CPNE8: variants seen among roughly 807,000 people sequenced by gnomAD.
CPNE8 encodes copine 8, also known as copine-8.
CPNE8 carries 45 observed loss-of-function variants against 81.5 expected under a neutral mutation model. The ratio of observed to expected loss-of-function variants is 0.55; its 90% CI spans 0.44 to 0.71. The LOEUF (loss-of-function observed/expected upper bound fraction) is 0.71. CPNE8 is among the 30% of genes least tolerant of loss of function. The probability of loss-of-function intolerance (pLI) is 0.00; values close to 1 mark genes in which losing one functional copy is unlikely to be tolerated. For missense variants in CPNE8, 594 were observed against 672.1 expected (o/e 0.88, Z 1.28); for synonymous variants, 252 against 226.3 (o/e 1.11, Z -1.02).
chr12:38,873,782 T>A (rs747948519), intron 2 of CPNE8, among the ~76,000 whole-genome samples: 27 of 152,174 alleles, frequency 1.8e-4, no homozygotes, highest in African/African-American at 5.8e-4. Context: ...CGGAAACACA[T>A]TGATTTATAC....
chr12:38,835,173 C>T (rs367853214), intron 5 of CPNE8, among the ~76,000 whole-genome samples: 8 of 152,210 alleles, frequency 5.3e-5, no homozygotes, highest in African/African-American at 1.9e-4. Context: ...GCATGAGCCA[C>T]CGCACCTGGC....
intron 7 of CPNE8, among the ~76,000 whole-genome samples, chr12:38,770,225 G>C (rs1450849247): frequency 6.6e-6 from 1 of 152,058 alleles, no homozygotes; most frequent in African/African-American, 2.4e-5. Context: ...CCATAAACTT[G>C]CTTCTCCTAT....
chr12:38,765,988 A>G (rs1941679160), intron 8 of CPNE8, among the ~76,000 whole-genome samples: 1 of 151,880 alleles, frequency 6.6e-6, no homozygotes. Flanking sequence ...CCTCCCAAGT[A>G]GCTGGCATTA....
chr12:38,763,448 G>T (rs1213034146), intron 8 of CPNE8, among the ~76,000 whole-genome samples: 1 of 152,182 alleles, frequency 6.6e-6, no homozygotes, highest in Non-Finnish European at 1.5e-5. Flanking sequence ...GGAGCCCCAA[G>T]GGCCCATTTA....
At chr12:38,674,637 G>A (rs984337393) in intron 18 of CPNE8, among the ~76,000 whole-genome samples, 3 of 152,120 alleles carry the variant, frequency 2.0e-5, no homozygotes, top group Non-Finnish European at 4.4e-5. Flanking sequence ...GTTGGTGAGG[G>A]ATAAATGACT....
chr12:38,870,641 G>A (rs532977799), intron 3 of CPNE8, among the ~76,000 whole-genome samples: 14 of 152,154 alleles, frequency 9.2e-5, no homozygotes, highest in African/African-American at 2.4e-4. Context: ...GGGGCCTGTC[G>A]GCGGGTGGGG....
intron 1 of CPNE8, among the ~76,000 whole-genome samples, chr12:38,898,627 A>G (rs990840147): frequency 1.1e-4 from 17 of 152,232 alleles, no homozygotes; most frequent in African/African-American, 3.4e-4. Context: ...AAATCTATTT[A>G]CATAGTATCT....
At chr12:38,762,794 G>C (rs900922739) in intron 8 of CPNE8, among the ~76,000 whole-genome samples, 8 of 152,158 alleles carry the variant, frequency 5.3e-5, no homozygotes, top group African/African-American at 1.9e-4. Context: ...TCTGGTAAAG[G>C]AAAAGATCTG....
intron 19 of CPNE8, among the ~76,000 whole-genome samples, chr12:38,665,590 T>G (rs1939044013): frequency 6.6e-6 from 1 of 152,150 alleles, no homozygotes; most frequent in South Asian, 2.1e-4. Flanking sequence ...CAGAGCTCCA[T>G]TAGTGATTTT....
intron 10 of CPNE8, among the ~76,000 whole-genome samples, chr12:38,738,226 A>C (rs1016874770): frequency 1.3e-5 from 2 of 152,120 alleles, no homozygotes; most frequent in Non-Finnish European, 2.9e-5. Flanking sequence ...TTTGCTATTG[A>C]AATTCTTTCA....
In CPNE8 at chr12:38,867,633, A is replaced by T. The variant is rs1302887632; in HGVS notation, c.186+5371T>A. Among the ~76,000 whole-genome samples, 3 of 152,170 alleles carry T rather than the reference A, an allele frequency of 2.0e-5. No individual in the cohort carries two copies. The East Asian group carries it at 5.8e-4, about 29-fold the overall frequency. On this transcript the variant is annotated intron_variant, in intron 3 of 19. Transcript: ENST00000331366. ...TTTAAATGTTTAAAAGTAATTCACAAAATGAATTGTCTATGGATAACTAAA... is the reference window on the plus strand; with the variant it reads ...TTTAAATGTTTAAAAGTAATTCACATAATGAATTGTCTATGGATAACTAAA...
intron 6 of CPNE8, among the ~76,000 whole-genome samples, chr12:38,785,731 T>C (rs959968082): frequency 6.6e-6 from 1 of 152,078 alleles, no homozygotes; most frequent in African/African-American, 2.4e-5. Flanking sequence ...AAGACATATA[T>C]AGACACAACA....
rs752471106 is a variant in CPNE8, at chr12:38,760,903, A to T, written c.681-15T>A. ...CTTTGATTGTTCTGTACATGAGAAA[A>T]ACATACACATAAAGTTACTTAGTAA... is the stretch of plus-strand genomic sequence containing the variant. On this transcript the variant is annotated splice_polypyrimidine_tract_variant and intron_variant, in intron 9 of 19. Coordinates refer to ENST00000331366, the MANE Select transcript of CPNE8 (RefSeq NM_153634.3). 6.5e-7 allele frequency: 1 copy of T among 1,542,570 alleles called. No homozygotes were observed. The highest frequency in any genetic ancestry group is 8.7e-7 in the Non-Finnish European group (1 of 1,149,470).
chr12:38,853,749 A>C (rs1477522399), intron 3 of CPNE8, among the ~76,000 whole-genome samples: 1 of 152,176 alleles, frequency 6.6e-6, no homozygotes, highest in East Asian at 1.9e-4. Context: ...AATCTTGTAG[A>C]AAATGATAGA....
intron 10 of CPNE8, among the ~76,000 whole-genome samples, chr12:38,753,085 A>G (rs1941385092): frequency 6.6e-6 from 1 of 152,210 alleles, no homozygotes; most frequent in African/African-American, 2.4e-5. Flanking sequence ...CTCTAATATT[A>G]TTTAAGGTAA....
intron 6 of CPNE8, among the ~76,000 whole-genome samples, chr12:38,817,059 C>T (rs1287810971): frequency 6.6e-6 from 1 of 152,172 alleles, no homozygotes; most frequent in Non-Finnish European, 1.5e-5. Flanking sequence ...TATGTCTAAT[C>T]TCTCCCCTTC....
chr12:38,865,036 G>C (rs1423982700), intron 3 of CPNE8, among the ~76,000 whole-genome samples: 2 of 152,116 alleles, frequency 1.3e-5, no homozygotes, highest in Non-Finnish European at 2.9e-5. Flanking sequence ...CTTCTTAAAA[G>C]AGAATAGCCA....
intron 7 of CPNE8, among the ~76,000 whole-genome samples, chr12:38,773,533 G>T (rs1941854937): frequency 6.6e-6 from 1 of 151,954 alleles, no homozygotes; most frequent in Non-Finnish European, 1.5e-5. Context: ...ATAACTTAAA[G>T]CTTCAACAAT....
intron 6 of CPNE8, among the ~76,000 whole-genome samples, chr12:38,808,521 C>T (rs1045290153): frequency 1.4e-5 from 2 of 144,248 alleles, no homozygotes; most frequent in Non-Finnish European, 3.0e-5. Context: ...CCAAACACCG[C>T]ATATTCTCAC....
Sources: gnomAD v4.1 joint callset for allele counts (sites outside exome capture counted in the v4.1 genomes callset) on GRCh38, gnomAD v4.1.1 for gene constraint, MANE v1.5 for transcripts, NCBI Gene and HGNC (gene_info 2026-07-23, HGNC 2026-07-21) for gene names.